The following HIF3A variants were observed in gnomAD, a reference collection of about 807,000 sequenced individuals.
HIF3A encodes hypoxia inducible factor 3 subunit alpha.
Under a neutral mutation model 67.2 loss-of-function variants are expected in HIF3A, and 41 were observed. The observed-to-expected ratio is 0.61, with a 90% CI of 0.48 to 0.79. HIF3A has a LOEUF of 0.79. Ranked by LOEUF, HIF3A falls within the 30% of genes least tolerant of loss-of-function variation. HIF3A has a pLI of 0.00. For missense variants in HIF3A, 855 were observed against 898.0 expected (o/e 0.95, Z 0.61); for synonymous variants, 356 against 374.8 (o/e 0.95, Z 0.58).
At chr19:46,323,801 C>T (rs891910083) in intron 10 of HIF3A, among the ~76,000 whole-genome samples, 3 of 152,078 alleles carry the variant, frequency 2.0e-5, no homozygotes, top group Non-Finnish European at 2.9e-5. Flanking sequence ...GAAAACCAAG[C>T]GAAAGGGGTT....
At chr19:46,334,883 T>C (rs1601373330) in intron 13 of HIF3A, 22 bp from the exon 14 acceptor site, 3 of 1,591,110 alleles carry the variant, frequency 1.9e-6, no homozygotes, top group Non-Finnish European at 2.6e-6. Context: ...ATGATGGTGG[T>C]GGCTTTGTCT....
At chr19:46,336,197 A>G (rs1971606421) in intron 14 of HIF3A, among the ~76,000 whole-genome samples, 1 of 133,404 alleles carries the variant, frequency 7.5e-6, no homozygotes, top group Non-Finnish European at 1.5e-5. Context: ...GGTTCACGCC[A>G]TTCTCTGGCC....
chr19:46,310,491 G>T, intron 6 of HIF3A: 4 of 362,004 alleles, frequency 1.1e-5, no homozygotes, highest in Non-Finnish European at 1.7e-5. Flanking sequence ...TCTTCCTTCT[G>T]TCCTTCTCTT....
intron 14 of HIF3A, 90 bp downstream of exon 14, chr19:46,335,076 G>T: frequency 1.0e-6 from 1 of 968,726 alleles, no homozygotes; most frequent in Non-Finnish European, 1.5e-6. Context: ...GGTGCTGGGG[G>T]ACTGTCAGTG....
intron 8 of HIF3A, among the ~76,000 whole-genome samples, chr19:46,315,714 G>A (rs1969861070): frequency 6.6e-6 from 1 of 152,088 alleles, no homozygotes; most frequent in African/African-American, 2.4e-5. Context: ...AGGAGTTTGA[G>A]ACCAGCCTGG....
rs1448478729 is a variant in HIF3A, at chr19:46,312,161, G to T, written c.771G>T (p.Arg257Ser). Residue 257 changes from arginine to serine, a missense_variant and splice_region_variant, in exon 7 of 15, where the codon AGG becomes AGT. Physicochemically the swap from Arg to Ser is moderately radical, Grantham distance 110. This residue lies in a region of HIF3A where 638 missense variants were observed against 660.5 expected (regional missense o/e 0.97). Coordinates refer to ENST00000377670, the MANE Select transcript of HIF3A (RefSeq NM_152795.4). ...AGACCCCACTCCGCCCCACCCCCAGGATTGCAGAAGTGGCTGGCTATAGTC... is the reference window on the plus strand; with the variant it reads ...AGACCCCACTCCGCCCCACCCCCAGTATTGCAGAAGTGGCTGGCTATAGTC... ...LDMKFTYCDD[R>S]IAEVAGYSPD... 6.2e-7 allele frequency: 1 copy of T among 1,613,680 alleles called. No individual in the cohort carries two copies. Among genetic ancestry groups the T allele is most frequent in the East Asian group, 2.2e-5 (1 of 44,876 alleles).
rs183020421 is a variant in HIF3A, at chr19:46,324,644, A to G, written c.1336-891A>G. Among the ~76,000 whole-genome samples the G allele has an allele frequency of 1.7e-3, 260 of 152,034 alleles. 1 individual carries two copies. Among genetic ancestry groups the G allele is most frequent in the Non-Finnish European group, 3.2e-3 (219 of 67,978 alleles). On this transcript the variant is annotated intron_variant, in intron 10 of 14. Coordinates refer to ENST00000377670, the MANE Select transcript of HIF3A (RefSeq NM_152795.4). ...TGAGGTGGGGAGATTATCTGAGGTCAGGAGTTCAAGACCAGCCTGACTAAC... is the reference window on the plus strand; with the variant it reads ...TGAGGTGGGGAGATTATCTGAGGTCGGGAGTTCAAGACCAGCCTGACTAAC...
In HIF3A at chr19:46,339,695, C is replaced by A; in HGVS notation, c.*73C>A. 3.5e-6 allele frequency: 4 copies of A among 1,135,486 alleles called. No homozygotes were observed. Among genetic ancestry groups the A allele is most frequent in the South Asian group, 1.5e-5 (1 of 64,738 alleles). The allele number at this position is 1,135,486 out of a possible 1,614,324, so 70.3% of individuals were successfully genotyped here. On this transcript the variant is annotated 3_prime_UTR_variant, in exon 15 of 15. Coordinates refer to ENST00000377670, the MANE Select transcript of HIF3A (RefSeq NM_152795.4). ...AACCACACTCCACGCCGGCAGCCAA[C>A]GCACAGGATGGGGGCGCCAGGAGAG...
At chr19:46,329,987 G>T (rs1465480943) in intron 12 of HIF3A, among the ~76,000 whole-genome samples, 2 of 140,160 alleles carry the variant, frequency 1.4e-5, no homozygotes, top group East Asian at 4.5e-4. Flanking sequence ...GATAGAGAGA[G>T]AGAGAGAGAG....
At chr19:46,309,690 T>C (rs1969258437) in intron 6 of HIF3A, among the ~76,000 whole-genome samples, 1 of 152,072 alleles carries the variant, frequency 6.6e-6, no homozygotes, top group Non-Finnish European at 1.5e-5. Flanking sequence ...TTTCTGTCTC[T>C]GAGTCTTTCT....
At chr19:46,308,967 T>C (rs1026472262) in intron 5 of HIF3A, among the ~76,000 whole-genome samples, 184 bp from the exon 6 acceptor site, 2 of 151,950 alleles carry the variant, frequency 1.3e-5, no homozygotes, top group Admixed American at 1.3e-4. Flanking sequence ...GGGGCTCCTG[T>C]AAGCTCTCTT....
intron 6 of HIF3A, chr19:46,310,570 G>C (rs2147164788): frequency 2.2e-6 from 1 of 455,866 alleles, no homozygotes; most frequent in East Asian, 7.0e-5. Context: ...CAGCCTGCTT[G>C]AGTGTCAGTC....
At chr19:46,301,682 C>T (rs1409577524) in intron 1 of HIF3A, among the ~76,000 whole-genome samples, 9 of 151,956 alleles carry the variant, frequency 5.9e-5, no homozygotes, top group South Asian at 2.1e-4. Flanking sequence ...AAAAATTAGC[C>T]GGGCGTGGTG....
rs1970384638 is a variant in HIF3A, at chr19:46,321,779, C to G, written c.1148C>G (p.Thr383Ser). ...DTPNPGDSLD[T>S]PGPRILAFLH... ...CCCATCTCCATGTGTCCTGCAGACA[C>G]CCCTGGCCCCCGGATCCTTGCCTTC... Residue 383 changes from threonine to serine, a missense_variant, in exon 10 of 15, where the codon ACC becomes AGC. Transcript: ENST00000377670. 2 of 1,612,920 alleles carry G rather than the reference C, an allele frequency of 1.2e-6. No individual in the cohort carries two copies. The highest frequency in any genetic ancestry group is 2.2e-5 in the East Asian group (1 of 44,842).
At chr19:46,322,996 C>T (rs549698048) in intron 10 of HIF3A, among the ~76,000 whole-genome samples, 2 of 152,064 alleles carry the variant, frequency 1.3e-5, no homozygotes, top group African/African-American at 4.8e-5. Flanking sequence ...ATGACATCAG[C>T]ATTCCTTCCC....
chr19:46,322,073 T>C, intron 10 of HIF3A, 107 bp downstream of exon 10: 2 of 1,144,058 alleles, frequency 1.7e-6, no homozygotes, highest in South Asian at 1.5e-5. Flanking sequence ...AGCTTCTCCA[T>C]CTGTGTAGTG....
chr19:46,330,143 A>G (rs1023449692), intron 12 of HIF3A, among the ~76,000 whole-genome samples: 2 of 152,168 alleles, frequency 1.3e-5, no homozygotes, highest in African/African-American at 4.8e-5. Flanking sequence ...GAGTGGTCTT[A>G]TCCTTATGGA....
rs1175703708 is a variant in HIF3A at position 46,309,164 on chromosome 19, C to G, written c.575C>G (p.Ser192Cys). Residue 192 changes from serine (S) to cysteine (C), a missense_variant, in exon 6 of 15, where the codon TCT (serine) becomes TGT (cysteine). This residue lies in a region of HIF3A where 638 missense variants were observed against 660.5 expected (regional missense o/e 0.97). Coordinates refer to ENST00000377670, the MANE Select transcript of HIF3A (RefSeq NM_152795.4). ...KAATWKVLNC[S>C]GHMRAYKPPA... ...CTCGGCCCCCAGGTGCTGAACTGCT[C>G]TGGACATATGAGGGCCTACAAGCCA... is the stretch of plus-strand genomic sequence containing the variant. 2 of 1,613,802 alleles carry G rather than the reference C, an allele frequency of 1.2e-6. No individual in the cohort carries two copies. Among genetic ancestry groups the G allele is most frequent in the African/African-American group, 2.7e-5 (2 of 74,892 alleles).
intron 1 of HIF3A, chr19:46,298,370 C>A: frequency 7.8e-7 from 1 of 1,273,924 alleles, no homozygotes; most frequent in Non-Finnish European, 1.0e-6. Context: ...GGTGCCCCCC[C>A]TCCCCACCCA....
Sources: allele counts gnomAD v4.1 joint callset (sites outside exome capture counted in the v4.1 genomes callset), GRCh38; gene constraint gnomAD v4.1.1; regional missense constraint gnomAD v4.1.1; transcripts MANE v1.5; gene names NCBI Gene and HGNC (gene_info 2026-07-23, HGNC 2026-07-21).